Variants in LATS2 observed in about 807,000 individuals in gnomAD.
LATS2 encodes the protein serine/threonine-protein kinase LATS2.
LATS2 carries 24 observed loss-of-function variants against 76.0 expected under a neutral mutation model. The observed-to-expected ratio is 0.32, with a 90% confidence interval of 0.23 to 0.44. The LOEUF is 0.44. LATS2 is among the 20% of genes least tolerant of loss of function. The probability of loss-of-function intolerance (pLI) is 1.00; values close to 1 mark genes in which losing one functional copy is unlikely to be tolerated. For synonymous variants in LATS2, 692 were observed against 635.4 expected (o/e 1.09, Z -1.34); for missense variants, 1,286 against 1,481.2 (o/e 0.87, Z 2.16).
intron 2 of LATS2, among the ~76,000 whole-genome samples, chr13:21,022,022 G>T (rs1872085138): frequency 6.6e-6 from 1 of 152,132 alleles, no homozygotes; most frequent in African/African-American, 2.4e-5. Context: ...AGTATAGTGG[G>T]CCCTGGGTGA....
At position 20,973,304 on chromosome 13, in the gene LATS2, T is replaced by A. The variant is rs1869421969; in HGVS notation, c.*1566A>T. On this transcript the variant is annotated 3_prime_UTR_variant, in exon 8 of 8. Transcript: ENST00000382592. ...TTTATTTTTTTAGTTTAAACACTGATAAACTTCTAAGTGTTGTTGCCTAGA... is the reference window on the plus strand; with the variant it reads ...TTTATTTTTTTAGTTTAAACACTGAAAAACTTCTAAGTGTTGTTGCCTAGA... The A allele has an allele frequency of 8.6e-6, 2 of 231,338 alleles. No homozygotes were observed. Among genetic ancestry groups the A allele is most frequent in the Admixed American group, 1.1e-4 (2 of 17,690 alleles). 14.3% of individuals were successfully genotyped at this position (231,338 alleles called of 1,614,324 possible).
intron 2 of LATS2, among the ~76,000 whole-genome samples, chr13:20,994,037 G>A (rs1040473324): frequency 6.6e-6 from 1 of 152,184 alleles, no homozygotes; most frequent in Non-Finnish European, 1.5e-5. Flanking sequence ...GCCAAGGAAG[G>A]GACAGCTCCA....
chr13:21,000,325 G>A (rs1870983830), intron 2 of LATS2, among the ~76,000 whole-genome samples: 1 of 152,032 alleles, frequency 6.6e-6, no homozygotes, highest in African/African-American at 2.4e-5. Context: ...AGGTTGCAAT[G>A]AGCCGAGATT....
At chr13:21,052,958 C>T (rs1873327197) in intron 1 of LATS2, among the ~76,000 whole-genome samples, 1 of 152,086 alleles carries the variant, frequency 6.6e-6, no homozygotes, top group African/African-American at 2.4e-5. Context: ...AACGCTGGGC[C>T]GGGCACGGTG....
At chr13:21,045,144 C>T (rs1313657619) in intron 2 of LATS2, among the ~76,000 whole-genome samples, 1 of 152,078 alleles carries the variant, frequency 6.6e-6, no homozygotes, top group Non-Finnish European at 1.5e-5. Flanking sequence ...CAAGCTTTTT[C>T]TTTCTAGTTT....
In LATS2 at chr13:20,988,844, G is replaced by A. The variant is rs1483871823; in HGVS notation, c.936C>T (p.Tyr312=). ...CCTGCTTGTGGTGTGGGTGCGGCAC[G>A]TAGAGCCCGGCGGCAGGGGGTGGGA... The part of the protein sequence containing the change: ...LAFPPPAAGL[Y]VPHPHHKQAG... The change falls in exon 4 of 8, where the codon TAC becomes TAT. Residue 312 remains tyrosine (Y), a synonymous_variant. Transcript: ENST00000382592. 5 of 1,593,332 alleles carry A rather than the reference G, an allele frequency of 3.1e-6. No homozygotes were observed. Among genetic ancestry groups the A allele is most frequent in the Admixed American group, 1.7e-5 (1 of 58,932 alleles).
intron 4 of LATS2, among the ~76,000 whole-genome samples, chr13:20,984,280 A>G (rs1268351311): frequency 6.6e-6 from 1 of 151,768 alleles, no homozygotes; most frequent in Non-Finnish European, 1.5e-5. Context: ...ATGGAATGAA[A>G]AGTTAAGATA....
chr13:21,059,695 G>A (rs955164750), intron 1 of LATS2, among the ~76,000 whole-genome samples: 2 of 152,240 alleles, frequency 1.3e-5, no homozygotes, highest in Non-Finnish European at 2.9e-5. Context: ...GTGGGGCGCG[G>A]TGGCTCACGC....
chr13:21,030,586 C>T (rs1451566879), intron 2 of LATS2, among the ~76,000 whole-genome samples: 22 of 108,708 alleles, frequency 2.0e-4, no homozygotes, highest in African/African-American at 6.4e-4. Context: ...TGAGAGACTC[C>T]GTCTCAAAAA....
chr13:21,054,327 G>C (rs1873376000), intron 1 of LATS2, among the ~76,000 whole-genome samples: 1 of 152,102 alleles, frequency 6.6e-6, no homozygotes, highest in South Asian at 2.1e-4. Context: ...GAAATCGCTT[G>C]AACCTGGGAG....
chr13:21,019,325 A>G (rs968663977), intron 2 of LATS2, among the ~76,000 whole-genome samples: 2 of 144,444 alleles, frequency 1.4e-5, no homozygotes, highest in African/African-American at 5.3e-5. Context: ...TATTATTATT[A>G]TTATTATTAT....
chr13:21,040,288 G>A (rs1486935915), intron 2 of LATS2, among the ~76,000 whole-genome samples: 1 of 151,480 alleles, frequency 6.6e-6, no homozygotes, highest in African/African-American at 2.4e-5. Context: ...TTTGGAGGTT[G>A]AGGCGGAGAA....
At chr13:21,056,850 A>G (rs9509511) in intron 1 of LATS2, among the ~76,000 whole-genome samples, 121,972 of 152,204 alleles carry the variant, frequency 0.8, 49,550 homozygotes, top group South Asian at 0.91. Flanking sequence ...AATTAGAAAG[A>G]CTGGAAGGGC....
intron 6 of LATS2, among the ~76,000 whole-genome samples, chr13:20,981,234 G>A (rs1341584191): frequency 6.6e-6 from 1 of 152,130 alleles, no homozygotes; most frequent in African/African-American, 2.4e-5. Flanking sequence ...AGAGCCCGAG[G>A]GCCAGCAGAC....
At chr13:20,975,609 A>C (rs1869582004) in intron 7 of LATS2, among the ~76,000 whole-genome samples, 1 of 152,224 alleles carries the variant, frequency 6.6e-6, no homozygotes, top group African/African-American at 2.4e-5. Context: ...ATTTTCTTCT[A>C]TCAGAAATAC....
At chr13:21,007,577 A>T (rs1175093312) in intron 2 of LATS2, among the ~76,000 whole-genome samples, 1 of 19,584 alleles carries the variant, frequency 5.1e-5, no homozygotes, top group Non-Finnish European at 7.2e-5. Flanking sequence ...ATATATATAT[A>T]TATATATATA....
chr13:21,036,356 G>C (rs1872682808), intron 2 of LATS2, among the ~76,000 whole-genome samples: 1 of 152,152 alleles, frequency 6.6e-6, no homozygotes, highest in South Asian at 2.1e-4. Flanking sequence ...ACAGGAAAGT[G>C]GGTCCAGTCT....
At chr13:21,057,391 CAACA>C (rs1295144137) in intron 1 of LATS2, among the ~76,000 whole-genome samples, 1 of 152,184 alleles carries the variant, frequency 6.6e-6, no homozygotes, top group African/African-American at 2.4e-5. Flanking sequence ...AGATGATAAC[CAACA>C]AAGTCTTCCC....
At chr13:21,017,703 G>A (rs2138353563) in intron 2 of LATS2, among the ~76,000 whole-genome samples, 1 of 151,334 alleles carries the variant, frequency 6.6e-6, no homozygotes, top group South Asian at 2.1e-4. Flanking sequence ...TCAGCTCACT[G>A]CAACCTCCGT....
Sources: gnomAD v4.1 joint callset for allele counts (sites outside exome capture counted in the v4.1 genomes callset) on GRCh38, gnomAD v4.1.1 for gene constraint, MANE v1.5 for transcripts, NCBI Gene and HGNC (gene_info 2026-07-23, HGNC 2026-07-21) for gene names.